Variants in SOAT1 observed in about 807,000 individuals in gnomAD.
SOAT1 encodes the protein acyl-coenzyme A:cholesterol acyltransferase 1.
SOAT1 carries 55 observed loss-of-function variants against 69.5 expected under a neutral mutation model. That is an observed-to-expected ratio of 0.79 (90% CI 0.64 to 0.99). The LOEUF (loss-of-function observed/expected upper bound fraction) is 0.99, where lower values mean the gene tolerates loss of function less well. SOAT1 is among the 50% of genes least tolerant of loss of function. SOAT1 has a pLI of 0.00. For synonymous variants in SOAT1, 231 were observed against 224.7 expected, an observed-to-expected ratio of 1.03 and a Z score of -0.25; for missense variants, 580 against 669.3, an observed-to-expected ratio of 0.87 and a Z score of 1.47.
At chr1:179,320,407 C>T (rs1474394226) in intron 2 of SOAT1, among the ~76,000 whole-genome samples, 1 of 151,436 alleles carries the variant, frequency 6.6e-6, no homozygotes, top group East Asian at 1.9e-4. Context: ...GTGTCTATCT[C>T]TAAAATTGGG....
chr1:179,334,565 C>T (rs1253667366), intron 3 of SOAT1, among the ~76,000 whole-genome samples: 3 of 151,890 alleles, frequency 2.0e-5, no homozygotes, highest in Non-Finnish European at 4.4e-5. Flanking sequence ...TATTTTGTCT[C>T]GCATATGGAT....
chr1:179,339,873 A>G (rs1666274560), intron 6 of SOAT1, among the ~76,000 whole-genome samples: 1 of 152,328 alleles, frequency 6.6e-6, no homozygotes, highest in East Asian at 1.9e-4. Context: ...AATTTTTTCA[A>G]TCAATGTGTT....
chr1:179,325,503 T>C (rs572950985), intron 3 of SOAT1, among the ~76,000 whole-genome samples: 6 of 152,280 alleles, frequency 3.9e-5, no homozygotes, highest in Admixed American at 3.3e-4. Context: ...ACCCTTTTTA[T>C]TTCTCTAGTC....
At chr1:179,342,990 C>A (rs775563072) in intron 9 of SOAT1, 47 bp downstream of exon 9, 1 of 1,455,762 alleles carries the variant, frequency 6.9e-7, no homozygotes, top group Non-Finnish European at 9.7e-7. Context: ...AAAAGTGTGG[C>A]ATGAGTGAGG....
chr1:179,351,520 G>C, intron 15 of SOAT1, 58 bp downstream of exon 15: 1 of 1,557,932 alleles, frequency 6.4e-7, no homozygotes, highest in Non-Finnish European at 8.7e-7. Context: ...GTTTGTGAGA[G>C]TTGGTGGGCA....
intron 2 of SOAT1, among the ~76,000 whole-genome samples, chr1:179,321,445 C>A (rs1219315242): frequency 1.3e-5 from 2 of 152,194 alleles, no homozygotes; most frequent in African/African-American, 4.8e-5. Flanking sequence ...GTGGGGATTG[C>A]AGGCATGAGG....
chr1:179,331,920 A>G (rs1012660226), intron 3 of SOAT1, among the ~76,000 whole-genome samples: 1 of 152,150 alleles, frequency 6.6e-6, no homozygotes, highest in Non-Finnish European at 1.5e-5. Context: ...AGGAAGAAAT[A>G]ATTTTTAGAC....
At chr1:179,325,170 G>C (rs1389071481) in intron 3 of SOAT1, among the ~76,000 whole-genome samples, 2 of 59,116 alleles carry the variant, frequency 3.4e-5, no homozygotes, top group Admixed American at 4.5e-4. Flanking sequence ...TTTTTTTTGA[G>C]ACAGAGTCTC....
At chr1:179,314,735 G>GT (rs1004936938) in intron 2 of SOAT1, among the ~76,000 whole-genome samples, 12 of 151,738 alleles carry the variant, frequency 7.9e-5, no homozygotes, top group African/African-American at 2.7e-4. Context: ...GGAGTCTGGT[G>GT]TTTTTTTTAG....
intron 14 of SOAT1, among the ~76,000 whole-genome samples, chr1:179,350,941 C>T (rs1666701427): frequency 6.6e-6 from 1 of 151,492 alleles, no homozygotes; most frequent in Admixed American, 6.6e-5. Flanking sequence ...TTGTTGCTCA[C>T]TGTGATTATT....
intron 8 of SOAT1, 98 bp from the exon 9 acceptor site, chr1:179,342,764 T>A: frequency 2.5e-6 from 2 of 798,692 alleles, no homozygotes; most frequent in Non-Finnish European, 4.2e-6. Context: ...ATAAGTCATT[T>A]TATTCTTCCC....
Position 179,347,653 on chromosome 1 carries a change from G to A in SOAT1, c.1171G>A (p.Ala391Thr), listed in dbSNP as rs1159705458. 1.2e-6 allele frequency: 2 copies of A among 1,613,426 alleles called. No individual in the cohort carries two copies. The highest frequency in any genetic ancestry group is 1.7e-6 in the Non-Finnish European group (2 of 1,179,564). The change falls in exon 12 of 16, where the codon GCC becomes ACC. Residue 391 changes from alanine (A) to threonine (T), a missense_variant. By Grantham distance (58) the Ala-to-Thr change is moderately conservative. Coordinates refer to ENST00000367619, the MANE Select transcript of SOAT1 (RefSeq NM_003101.6). ...FFAFLHCWLN[A>T]FAEMLRFGDR... Reference sequence around the variant, plus strand: ...TGCCTTTTTGCACTGCTGGCTCAATGCCTTTGCTGAGATGTTACGCTTTGG... The same window carrying A: ...TGCCTTTTTGCACTGCTGGCTCAATACCTTTGCTGAGATGTTACGCTTTGG...
chr1:179,330,652 A>G (rs1665940452), intron 3 of SOAT1, among the ~76,000 whole-genome samples: 1 of 152,238 alleles, frequency 6.6e-6, no homozygotes, highest in Non-Finnish European at 1.5e-5. Flanking sequence ...ATGAGCAAGG[A>G]TGGCCAGCCT....
chr1:179,323,314 A>C, intron 2 of SOAT1, 123 bp from the exon 3 acceptor site: 2 of 695,258 alleles, frequency 2.9e-6, no homozygotes, highest in Non-Finnish European at 4.8e-6. Flanking sequence ...GTCGTGTTTT[A>C]TGGTTGCACC....
At chr1:179,325,171 A>G (rs1665740536) in intron 3 of SOAT1, among the ~76,000 whole-genome samples, 1 of 65,344 alleles carries the variant, frequency 1.5e-5, no homozygotes, top group South Asian at 5.6e-4. Context: ...TTTTTTTGAG[A>G]CAGAGTCTCG....
intron 2 of SOAT1, among the ~76,000 whole-genome samples, chr1:179,312,533 G>C (rs1310708904): frequency 6.6e-6 from 1 of 152,130 alleles, no homozygotes; most frequent in Admixed American, 6.5e-5. Flanking sequence ...AGTTATGCTG[G>C]CTATCTACCT....
intron 4 of SOAT1, among the ~76,000 whole-genome samples, chr1:179,336,465 G>C (rs1338857869): frequency 3.5e-5 from 3 of 86,046 alleles, no homozygotes; most frequent in Non-Finnish European, 6.3e-5. Context: ...CAGAGACCCT[G>C]TCTCCAAAAA....
intron 10 of SOAT1, 120 bp downstream of exon 10, chr1:179,343,755 C>A: frequency 2.8e-6 from 2 of 720,638 alleles, no homozygotes; most frequent in Non-Finnish European, 4.7e-6. Flanking sequence ...TGACATTATG[C>A]AGTCTTTTAA....
chr1:179,335,770 G>A, intron 4 of SOAT1, 113 bp downstream of exon 4: 2 of 971,128 alleles, frequency 2.1e-6, no homozygotes, highest in Non-Finnish European at 1.5e-6. Context: ...CTTTCTATTG[G>A]CTGTGTGTTA....
Sources: allele counts gnomAD v4.1 joint callset (sites outside exome capture counted in the v4.1 genomes callset), GRCh38; gene constraint gnomAD v4.1.1; transcripts MANE v1.5; gene names NCBI Gene and HGNC (gene_info 2026-07-23, HGNC 2026-07-21).